Variants in PRKG1 observed in about 807,000 individuals in gnomAD.
The protein encoded by PRKG1 is protein kinase cGMP-dependent 1.
A neutral mutation model predicts 88.1 loss-of-function variants in PRKG1; 35 were observed. That is an observed-to-expected ratio of 0.40 (90% confidence interval 0.30 to 0.53). The LOEUF (loss-of-function observed/expected upper bound fraction) is 0.53. Ranked by LOEUF, PRKG1 falls within the 20% of genes least tolerant of loss-of-function variation. The pLI is 0.59. For synonymous variants in PRKG1, 303 were observed against 292.5 expected, an observed-to-expected ratio of 1.04 and a Z score of -0.37; for missense variants, 540 against 839.8, an observed-to-expected ratio of 0.64 and a Z score of 4.41.
At chr10:51,701,660 G>A (rs1051408391) in intron 3 of PRKG1, among the ~76,000 whole-genome samples, 1 of 149,888 alleles carries the variant, frequency 6.7e-6, no homozygotes, top group African/African-American at 2.5e-5. Flanking sequence ...ACAAAGAGAA[G>A]GCATACCTTT....
chr10:51,535,686 T>C (rs1438026831), intron 3 of PRKG1, among the ~76,000 whole-genome samples: 1 of 151,602 alleles, frequency 6.6e-6, no homozygotes, highest in East Asian at 1.9e-4. Context: ...AAATATATAA[T>C]TTTTTAAAGA....
At chr10:51,311,589 G>A (rs555709985) in intron 2 of PRKG1, among the ~76,000 whole-genome samples, 15 of 152,156 alleles carry the variant, frequency 9.9e-5, no homozygotes, top group African/African-American at 1.4e-4. Context: ...TTTGAGGACC[G>A]GTACCTTAGA....
chr10:51,520,836 G>T (rs985120914), intron 3 of PRKG1, among the ~76,000 whole-genome samples: 1 of 152,218 alleles, frequency 6.6e-6, no homozygotes, highest in Non-Finnish European at 1.5e-5. Context: ...TACATTGAAA[G>T]TGGTTAGTAC....
chr10:52,059,099 T>A (rs959749108), intron 6 of PRKG1, among the ~76,000 whole-genome samples: 1 of 151,882 alleles, frequency 6.6e-6, no homozygotes, highest in African/African-American at 2.4e-5. Flanking sequence ...AAAGTGCATA[T>A]TGAAATCCTG....
chr10:51,871,289 A>C (rs752684097), intron 4 of PRKG1, among the ~76,000 whole-genome samples: 1 of 152,178 alleles, frequency 6.6e-6, no homozygotes, highest in Non-Finnish European at 1.5e-5. Context: ...GTAGAGTTTT[A>C]ATAATTTCAC....
chr10:52,269,064 A>AT (rs923458804), intron 10 of PRKG1, among the ~76,000 whole-genome samples: 2 of 133,572 alleles, frequency 1.5e-5, no homozygotes, highest in Admixed American at 7.2e-5. Context: ...GTACAAGTAT[A>AT]AAAAAAAAAA....
At chr10:51,020,183 A>T (rs6479861) in intron 1 of PRKG1, among the ~76,000 whole-genome samples, 32,284 of 152,082 alleles carry the variant, frequency 0.21, 3,635 homozygotes, top group Non-Finnish European at 0.26. Context: ...TTATTTTTTG[A>T]TGGAGACAGG....
chr10:51,335,277 T>C (rs1841846948), intron 2 of PRKG1, among the ~76,000 whole-genome samples: 1 of 152,094 alleles, frequency 6.6e-6, no homozygotes, highest in Admixed American at 6.5e-5. Flanking sequence ...AATATTTTAG[T>C]TTATCAATGT....
chr10:52,150,180 A>ATTATTATTATTATTATTATTATT (rs1554810280), intron 8 of PRKG1, among the ~76,000 whole-genome samples: 3 of 137,204 alleles, frequency 2.2e-5, no homozygotes, highest in African/African-American at 8.0e-5. Context: ...TAATAATAAT[A>ATTATTATTATTATTATTATTATT]ATAATTTGAT....
At chr10:51,668,039 C>T (rs1033071276) in intron 3 of PRKG1, among the ~76,000 whole-genome samples, 1 of 152,020 alleles carries the variant, frequency 6.6e-6, no homozygotes, top group Non-Finnish European at 1.5e-5. Context: ...CAACACATTG[C>T]CTGGGGTCAT....
At chr10:51,027,245 T>G (rs374124787) in intron 1 of PRKG1, among the ~76,000 whole-genome samples, 1 of 152,208 alleles carries the variant, frequency 6.6e-6, no homozygotes, top group South Asian at 2.1e-4. Flanking sequence ...ACAAATCTTA[T>G]TAGCTGGCTT....
At chr10:52,105,213 G>T (rs896882665) in intron 7 of PRKG1, among the ~76,000 whole-genome samples, 1 of 151,972 alleles carries the variant, frequency 6.6e-6, no homozygotes, top group Non-Finnish European at 1.5e-5. Context: ...TTACCAATTG[G>T]AAGAAACACA....
chr10:51,497,965 G>C (rs1039270412), intron 3 of PRKG1, among the ~76,000 whole-genome samples: 11 of 152,120 alleles, frequency 7.2e-5, no homozygotes, highest in Non-Finnish European at 1.2e-4. Context: ...ATATGTATTA[G>C]TATGTATGGC....
intron 2 of PRKG1, among the ~76,000 whole-genome samples, chr10:51,350,303 T>C (rs1331431921): frequency 2.6e-5 from 4 of 152,114 alleles, no homozygotes; most frequent in African/African-American, 9.7e-5. Context: ...ATACAGATGA[T>C]AAAGGAACCC....
At chr10:52,051,548 G>A (rs2133248806) in intron 5 of PRKG1, among the ~76,000 whole-genome samples, 1 of 152,318 alleles carries the variant, frequency 6.6e-6, no homozygotes, top group Non-Finnish European at 1.5e-5. Flanking sequence ...TAGGAACCAA[G>A]TGAGAAACAA....
At chr10:51,853,317 C>T (rs1204111931) in intron 4 of PRKG1, among the ~76,000 whole-genome samples, 1 of 152,036 alleles carries the variant, frequency 6.6e-6, no homozygotes, top group Admixed American at 6.6e-5. Context: ...GCCTAAACCT[C>T]AAAATGGAAA....
At chr10:51,726,688 T>C (rs547591150) in intron 3 of PRKG1, among the ~76,000 whole-genome samples, 21 of 152,370 alleles carry the variant, frequency 1.4e-4, no homozygotes, top group African/African-American at 4.6e-4. Flanking sequence ...CATGTAACCA[T>C]GGTTAACGTA....
chr10:52,029,522 C>T (rs954350040), intron 5 of PRKG1, among the ~76,000 whole-genome samples: 1 of 152,170 alleles, frequency 6.6e-6, no homozygotes, highest in African/African-American at 2.4e-5. Flanking sequence ...TCAAAATAAA[C>T]AGGCAAAGGG....
At chr10:51,737,832 C>T (rs1306768992) in intron 3 of PRKG1, among the ~76,000 whole-genome samples, 3 of 151,064 alleles carry the variant, frequency 2.0e-5, no homozygotes, top group South Asian at 4.2e-4. Flanking sequence ...GGCACCATCT[C>T]GGCTCACTGC....
Sources: gnomAD v4.1 joint callset for allele counts (sites outside exome capture counted in the v4.1 genomes callset) on GRCh38, gnomAD v4.1.1 for gene constraint, MANE v1.5 for transcripts, NCBI Gene and HGNC (gene_info 2026-07-23, HGNC 2026-07-21) for gene names.